TMEM67: variants seen among roughly 807,000 people sequenced by gnomAD.
The protein encoded by TMEM67 is transmembrane protein 67.
In TMEM67, 124 loss-of-function variants were observed where a neutral mutation model predicts 136.6. That is an observed-to-expected ratio of 0.91 (90% confidence interval 0.78 to 1.05). The LOEUF (loss-of-function observed/expected upper bound fraction) is 1.05. Ranked by LOEUF, TMEM67 falls within the 50% of genes least tolerant of loss-of-function variation. The probability of loss-of-function intolerance (pLI) is 0.00; values close to 1 mark genes in which losing one functional copy is unlikely to be tolerated. For synonymous variants in TMEM67, 364 were observed against 390.5 expected (o/e 0.93, Z 0.80); for missense variants, 1,107 against 1,178.4 (o/e 0.94, Z 0.89).
chr8:93,823,426 G>T (rs1010093847), downstream of TMEM67, among the ~76,000 whole-genome samples: 1 of 151,930 alleles, frequency 6.6e-6, no homozygotes, highest in African/African-American at 2.4e-5. Context: ...TGTGTGGGTG[G>T]GTAGGGGTGT....
At chr8:93,759,209 C>T (rs1198496362) in intron 3 of TMEM67, 4 of 152,036 alleles carry the variant, frequency 2.6e-5, no homozygotes, top group African/African-American at 9.7e-5. Flanking sequence ...CGTTGTTAAT[C>T]CTAGCACTTT....
At chr8:93,773,010 G>A (rs1380639822) in intron 7 of TMEM67, among the ~76,000 whole-genome samples, 2 of 152,136 alleles carry the variant, frequency 1.3e-5, no homozygotes, top group African/African-American at 2.4e-5. Flanking sequence ...CTAAGTAAAT[G>A]TCAGGTTGTG....
intron 26 of TMEM67, among the ~76,000 whole-genome samples, chr8:93,812,206 T>A (rs1044955823): frequency 6.6e-6 from 1 of 150,652 alleles, no homozygotes; most frequent in Middle Eastern, 3.5e-3. Flanking sequence ...TGAACATGGA[T>A]ATCATTGAAG....
chr8:93,793,236 A>G lies in TMEM67; in HGVS notation c.1614A>G (p.Ala538=), dbSNP rs1814465207. Reference sequence around the variant, plus strand: ...TATTGGGTGGGCTAGCTGTTTTAGCATCTCTTTTGAAGACAGCAGGATGGA... The same window carrying G: ...TATTGGGTGGGCTAGCTGTTTTAGCGTCTCTTTTGAAGACAGCAGGATGGA... ...LGVLGGLAVL[A]SLLKTAGWKR... Residue 538 remains alanine (A), a synonymous_variant, in exon 16 of 28, where the codon GCA becomes GCG. Coordinates refer to ENST00000453321, the MANE Select transcript of TMEM67 (RefSeq NM_153704.6). The G allele has an allele frequency of 6.2e-7, 1 of 1,614,166 alleles. No individual in the cohort carries two copies. The highest frequency in any genetic ancestry group is 1.3e-5 in the African/African-American group (1 of 75,054).
chr8:93,825,412 A>G, the TMEM67 span, among the ~76,000 whole-genome samples: 2 of 152,204 alleles, frequency 1.3e-5, no homozygotes, highest in South Asian at 2.1e-4. Context: ...AAAGGAGGAA[A>G]TGGCCCCATT....
At chr8:93,819,338 G>A (rs1563489061), downstream of TMEM67, 2 of 373,082 alleles carry the variant, frequency 5.4e-6, no homozygotes, top group South Asian at 4.3e-5. Context: ...AGAGGTCACC[G>A]ATAGATGTAA....
chr8:93,775,907 G>A (rs1018967317), intron 7 of TMEM67, among the ~76,000 whole-genome samples: 2 of 152,174 alleles, frequency 1.3e-5, no homozygotes, highest in African/African-American at 4.8e-5. Flanking sequence ...TTGGTAGCTT[G>A]ATGGGGATGG....
rs774565106 is a variant in TMEM67, at chr8:93,808,953, A to G, written c.2553A>G (p.Ile851Met). ...QHYDRIHETL[I>M]RKNGPARLLS... The stretch of plus-strand genomic sequence containing the variant: ...ATGACAGAATTCATGAGACACTAAT[A>G]AGGGTTTGTATAAAGTACAGTTCAG... The change falls in exon 24 of 28, where the codon ATA (isoleucine) becomes ATG (methionine). Residue 851 changes from isoleucine (I) to methionine (M), a missense_variant. Ile to Met is a conservative substitution (Grantham distance 10). Coordinates refer to ENST00000453321, the MANE Select transcript of TMEM67 (RefSeq NM_153704.6). 3.2e-6 allele frequency: 5 copies of G among 1,585,072 alleles called. No homozygotes were observed. Among genetic ancestry groups the G allele is most frequent in the Non-Finnish European group, 4.3e-6 (5 of 1,153,802 alleles).
intron 6 of TMEM67, among the ~76,000 whole-genome samples, chr8:93,771,681 A>G (rs1054999792): frequency 6.6e-6 from 1 of 152,068 alleles, no homozygotes; most frequent in Admixed American, 6.5e-5. Context: ...TTATAAAAGT[A>G]TCATGTAACT....
At chr8:93,824,498 T>G in the TMEM67 span, among the ~76,000 whole-genome samples, 2 of 152,218 alleles carry the variant, frequency 1.3e-5, no homozygotes, top group Non-Finnish European at 2.9e-5. Flanking sequence ...TTCCTCTTAT[T>G]CTGTCTGCTC....
intron 14 of TMEM67, among the ~76,000 whole-genome samples, chr8:93,790,873 T>G (rs1430791927): frequency 3.3e-5 from 5 of 152,246 alleles, no homozygotes; most frequent in African/African-American, 9.6e-5. Context: ...TGTAGTGGTA[T>G]CTTTAAGATT....
chr8:93,808,438 ATATT>A (rs1177460865), intron 23 of TMEM67, among the ~76,000 whole-genome samples: 9 of 1,156 alleles, frequency 7.8e-3, no homozygotes, highest in African/African-American at 0.014. Context: ...TATCTATTAT[ATATT>A]TATTATATAT....
In TMEM67 at chr8:93,795,974, C is replaced by A. The variant is rs757204749; in HGVS notation, c.1847C>A (p.Ala616Asp). 2 of 1,612,332 alleles carry A rather than the reference C, an allele frequency of 1.2e-6. No individual in the cohort carries two copies. Among genetic ancestry groups the A allele is most frequent in the Admixed American group, 1.7e-5 (1 of 60,010 alleles). ...EERFVTYVGC[A>D]FALKALQFLH... ...CGTTTTGTCACTTATGTTGGATGTG[C>A]CTTTGCTCTGAAGGTAAGTTTTAAA... The change falls in exon 18 of 28, where the codon GCC (alanine) becomes GAC (aspartate). Residue 616 changes from alanine (A) to aspartate (D), a missense_variant. This residue lies in a region of TMEM67 where 925 missense variants were observed against 1,002.4 expected (regional missense o/e 0.92). Transcript: ENST00000453321.
intron 14 of TMEM67, among the ~76,000 whole-genome samples, chr8:93,788,532 AG>A (rs1814225786): frequency 6.6e-6 from 1 of 152,224 alleles, no homozygotes; most frequent in South Asian, 2.1e-4. Flanking sequence ...ACTGCACTCC[AG>A]CCTGGGCGAA....
chr8:93,801,572 T>C (rs1814873337), intron 21 of TMEM67, among the ~76,000 whole-genome samples: 1 of 152,100 alleles, frequency 6.6e-6, no homozygotes, highest in Admixed American at 6.5e-5. Context: ...CAGCTAATTT[T>C]TGTGTTTTTA....
intron 23 of TMEM67, among the ~76,000 whole-genome samples, chr8:93,807,663 G>T (rs1248541809): frequency 6.6e-6 from 1 of 151,592 alleles, no homozygotes. Flanking sequence ...TTTCTGCAAT[G>T]GCATGAATAT....
At position 93,765,493 on chromosome 8, in the gene TMEM67, G is replaced by A; in HGVS notation, c.576+18G>A. Reference sequence around the variant, plus strand: ...ACATTTTAGTAAGGCTAACCAAATTGATAAAGTATATATATTTTTAATTCA... The same window carrying A: ...ACATTTTAGTAAGGCTAACCAAATTAATAAAGTATATATATTTTTAATTCA... On this transcript the variant is annotated intron_variant, in intron 5 of 27. Coordinates refer to ENST00000453321, the MANE Select transcript of TMEM67 (RefSeq NM_153704.6). 1 of 1,608,092 alleles carries A rather than the reference G, an allele frequency of 6.2e-7. No homozygotes were observed. Among genetic ancestry groups the A allele is most frequent in the East Asian group, 2.2e-5 (1 of 44,820 alleles).
intron 23 of TMEM67, 70 bp downstream of exon 23, chr8:93,804,948 T>C: frequency 2.1e-6 from 2 of 957,470 alleles, no homozygotes; most frequent in Non-Finnish European, 1.7e-6. Context: ...TGGATTTGTT[T>C]TAAAAAAAAA....
intron 3 of TMEM67, chr8:93,763,122 G>A (rs1169011683): frequency 1.5e-5 from 4 of 258,354 alleles, no homozygotes; most frequent in Non-Finnish European, 2.4e-5. Flanking sequence ...TAGAGACAAG[G>A]TTTTGCCATA....
Sources: gnomAD v4.1 joint callset for allele counts (sites outside exome capture counted in the v4.1 genomes callset) on GRCh38, gnomAD v4.1.1 for gene constraint, gnomAD v4.1.1 regional missense constraint, MANE v1.5 for transcripts, NCBI Gene and HGNC (gene_info 2026-07-23, HGNC 2026-07-21) for gene names.